Variants in CHST9 observed in about 807,000 individuals in gnomAD.
CHST9 encodes carbohydrate sulfotransferase 9, also known as GalNAc-4-sulfotransferase 2.
CHST9 carries 41 observed loss-of-function variants against 44.4 expected under a neutral mutation model. The ratio of observed to expected loss-of-function variants is 0.92; its 90% confidence interval spans 0.72 to 1.20. The LOEUF (loss-of-function observed/expected upper bound fraction) is 1.20. CHST9 is among the 50% of genes most tolerant of loss of function. The probability of loss-of-function intolerance (pLI) is 0.00; values close to 1 mark genes in which losing one functional copy is unlikely to be tolerated. For synonymous variants in CHST9, 171 were observed against 178.4 expected, an observed-to-expected ratio of 0.96 and a Z score of 0.33; for missense variants, 504 against 516.5, an observed-to-expected ratio of 0.98 and a Z score of 0.23.
intron 2 of CHST9, among the ~76,000 whole-genome samples, chr18:27,130,433 T>C (rs1002952440): frequency 1.4e-4 from 21 of 152,220 alleles, no homozygotes; most frequent in Non-Finnish European, 2.5e-4. Flanking sequence ...TGAATAGCAA[T>C]CAGTGTATCC....
At chr18:27,003,401 G>C (rs923722724) in intron 4 of CHST9, among the ~76,000 whole-genome samples, 3 of 152,144 alleles carry the variant, frequency 2.0e-5, no homozygotes, top group African/African-American at 7.2e-5. Context: ...AAACTAGGTC[G>C]CTGGGTGAAG....
intron 4 of CHST9, among the ~76,000 whole-genome samples, chr18:26,973,720 A>G (rs2056582595): frequency 6.6e-6 from 1 of 152,182 alleles, no homozygotes; most frequent in East Asian, 1.9e-4. Flanking sequence ...GTGTTTTTTG[A>G]ACCCAAAAGT....
At chr18:26,965,066 A>T (rs2056447494) in intron 4 of CHST9, among the ~76,000 whole-genome samples, 1 of 152,158 alleles carries the variant, frequency 6.6e-6, no homozygotes, top group Admixed American at 6.5e-5. Context: ...GTCCAAAGTG[A>T]TGAAATTCTT....
In CHST9 at chr18:27,015,323, T is replaced by TTTTGTGTG. The variant is rs369592806; in HGVS notation, c.202+8792_202+8793insCACACAAA. ...GTTTAAATGATCACCAGAGAGGCAG[T>TTTTGTGTG]TGTGTGTGTGTGTGTGTGTGTGTGT... is the stretch of plus-strand genomic sequence containing the variant. On this transcript the variant is annotated intron_variant, in intron 4 of 5. Transcript: ENST00000618847. Among the ~76,000 whole-genome samples, 3 of 146,344 alleles carry TTTTGTGTG rather than the reference T, an allele frequency of 2.0e-5. No individual in the cohort carries two copies. The South Asian group carries it at 6.7e-4, about 33-fold the overall frequency.
chr18:27,045,670 A>G (rs942474172), intron 3 of CHST9, among the ~76,000 whole-genome samples: 2 of 152,012 alleles, frequency 1.3e-5, no homozygotes, highest in Non-Finnish European at 2.9e-5. Context: ...TGACTATGAC[A>G]TAGACTTTCA....
chr18:27,171,504 G>A (rs1330229557), intron 1 of CHST9, among the ~76,000 whole-genome samples: 1 of 152,084 alleles, frequency 6.6e-6, no homozygotes, highest in Non-Finnish European at 1.5e-5. Flanking sequence ...AATCTAAAAT[G>A]AGGAAAGGAA....
chr18:27,081,585 T>G (rs1157750142), intron 2 of CHST9, among the ~76,000 whole-genome samples: 1 of 152,180 alleles, frequency 6.6e-6, no homozygotes, highest in Non-Finnish European at 1.5e-5. Flanking sequence ...GGCTTTGTCT[T>G]TTTATATTTA....
intron 4 of CHST9, among the ~76,000 whole-genome samples, chr18:26,951,257 G>C (rs1370983608): frequency 6.6e-6 from 1 of 152,188 alleles, no homozygotes; most frequent in Non-Finnish European, 1.5e-5. Context: ...CAGGACAACT[G>C]CCTCAAATTC....
intron 1 of CHST9, among the ~76,000 whole-genome samples, chr18:27,143,972 A>G (rs1414179008): frequency 2.0e-5 from 3 of 152,226 alleles, no homozygotes; most frequent in African/African-American, 4.8e-5. Flanking sequence ...AATAAAAATA[A>G]AAATAGAAAA....
chr18:26,972,724 C>T (rs1310792719), intron 4 of CHST9, among the ~76,000 whole-genome samples: 1 of 152,156 alleles, frequency 6.6e-6, no homozygotes, highest in African/African-American at 2.4e-5. Context: ...AAGATGGAGG[C>T]AGGGGGCGGC....
At chr18:27,108,126 C>G (rs1175088785) in intron 2 of CHST9, among the ~76,000 whole-genome samples, 1 of 152,058 alleles carries the variant, frequency 6.6e-6, no homozygotes. Flanking sequence ...ACCTATTCTA[C>G]TTGTTTGCTG....
intron 4 of CHST9, among the ~76,000 whole-genome samples, chr18:26,971,694 A>T (rs1235614221): frequency 6.6e-6 from 1 of 152,222 alleles, no homozygotes; most frequent in African/African-American, 2.4e-5. Context: ...CCGCAGCAGC[A>T]GCACGCATCC....
chr18:27,038,410 G>C (rs1424059379), intron 3 of CHST9, among the ~76,000 whole-genome samples: 1 of 152,118 alleles, frequency 6.6e-6, no homozygotes, highest in East Asian at 1.9e-4. Context: ...GCTGCGTGTG[G>C]TGGCATGCGC....
At chr18:27,018,167 C>CTA (rs901572794) in intron 4 of CHST9, among the ~76,000 whole-genome samples, 5 of 152,162 alleles carry the variant, frequency 3.3e-5, no homozygotes, top group African/African-American at 1.2e-4. Flanking sequence ...GGCACTTTAA[C>CTA]AAGGCCCCAA....
intron 2 of CHST9, among the ~76,000 whole-genome samples, chr18:27,122,697 T>C (rs1299165387): frequency 6.6e-6 from 1 of 152,176 alleles, no homozygotes; most frequent in African/African-American, 2.4e-5. Context: ...GCAAATTTGA[T>C]GCATGTGGAA....
rs1295443898 is a variant in CHST9, at chr18:26,910,748, T to C, written c.*5511A>G. 1 of 152,232 alleles carries C rather than the reference T, an allele frequency of 6.6e-6. No individual in the cohort carries two copies. Among genetic ancestry groups the C allele is most frequent in the African/African-American group, 2.4e-5 (1 of 41,458 alleles). 9.4% of individuals were successfully genotyped at this position (152,232 alleles called of 1,614,324 possible). ...CAGAGAGACTGTTATTAAACCTCTT[T>C]GATACTCAGTTTTCTCATTCATGAA... On this transcript the variant is annotated 3_prime_UTR_variant, in exon 6 of 6. Coordinates refer to ENST00000618847, the MANE Select transcript of CHST9 (RefSeq NM_031422.6).
At chr18:27,146,192 T>A (rs949992098) in intron 1 of CHST9, among the ~76,000 whole-genome samples, 1 of 152,138 alleles carries the variant, frequency 6.6e-6, no homozygotes, top group African/African-American at 2.4e-5. Flanking sequence ...GATTAAGAAT[T>A]TGCCCTTCCT....
At chr18:26,921,653 G>A (rs1403452390) in intron 5 of CHST9, among the ~76,000 whole-genome samples, 1 of 151,964 alleles carries the variant, frequency 6.6e-6, no homozygotes, top group East Asian at 1.9e-4. Context: ...CAAATTTAAA[G>A]CTCATACCAA....
chr18:27,144,099 T>C (rs775989529), intron 1 of CHST9, among the ~76,000 whole-genome samples: 2 of 152,186 alleles, frequency 1.3e-5, no homozygotes, highest in Non-Finnish European at 2.9e-5. Flanking sequence ...GTCACGGCTT[T>C]GTATCTAACG....
Sources: gnomAD v4.1 joint callset for allele counts (sites outside exome capture counted in the v4.1 genomes callset) on GRCh38, gnomAD v4.1.1 for gene constraint, MANE v1.5 for transcripts, NCBI Gene and HGNC (gene_info 2026-07-23, HGNC 2026-07-21) for gene names.